HS3ST4: variants seen among roughly 807,000 people sequenced by gnomAD.
HS3ST4 encodes heparan sulfate glucosamine 3-O-sulfotransferase 4.
Under a neutral mutation model 29.2 loss-of-function variants are expected in HS3ST4, and 17 were observed. The observed-to-expected ratio is 0.58, with a 90% CI of 0.40 to 0.87. The LOEUF is 0.87. HS3ST4 is among the 40% of genes least tolerant of loss of function. HS3ST4 has a pLI of 0.00. For missense variants in HS3ST4, 627 were observed against 634.5 expected, an observed-to-expected ratio of 0.99 and a Z score of 0.13; for synonymous variants, 314 against 285.7, an observed-to-expected ratio of 1.10 and a Z score of -1.00.
rs1567310159 is a variant in HS3ST4, at chr16:26,091,391, A to G, written c.735-44221A>G. Reference sequence around the variant, plus strand: ...GATACTCAATGAATGCCTATTGAGTATAAATCGTGCCCAATCAGATCCACA... The same window carrying G: ...GATACTCAATGAATGCCTATTGAGTGTAAATCGTGCCCAATCAGATCCACA... On this transcript the variant is annotated intron_variant, in intron 1 of 1. Coordinates refer to ENST00000331351, the MANE Select transcript of HS3ST4 (RefSeq NM_006040.3). Among the ~76,000 whole-genome samples, 3 of 152,342 alleles carry G rather than the reference A, an allele frequency of 2.0e-5. No individual in the cohort carries two copies. The South Asian group carries it at 6.2e-4, about 32-fold the overall frequency.
intron 1 of HS3ST4, among the ~76,000 whole-genome samples, chr16:26,126,185 C>T (rs1899341353): frequency 6.6e-6 from 1 of 152,178 alleles, no homozygotes; most frequent in Non-Finnish European, 1.5e-5. Context: ...TTGATGTCTG[C>T]ACACCCTCTG....
At chr16:26,022,796 C>T (rs1969427282) in intron 1 of HS3ST4, among the ~76,000 whole-genome samples, 1 of 152,074 alleles carries the variant, frequency 6.6e-6, no homozygotes, top group Admixed American at 6.6e-5. Flanking sequence ...TATACCACAC[C>T]TGGCCTACAG....
At chr16:26,093,627 A>G (rs1898885418) in intron 1 of HS3ST4, among the ~76,000 whole-genome samples, 1 of 152,216 alleles carries the variant, frequency 6.6e-6, no homozygotes, top group South Asian at 2.1e-4. Flanking sequence ...GTCAAAGACC[A>G]AAGGTAGATA....
chr16:25,921,003 G>A (rs527986975), intron 1 of HS3ST4, among the ~76,000 whole-genome samples: 6 of 152,144 alleles, frequency 3.9e-5, no homozygotes, highest in South Asian at 2.1e-4. Flanking sequence ...CACTCCTCTC[G>A]ACACTCTATC....
intron 1 of HS3ST4, chr16:26,032,835 G>T (rs1969544161): frequency 1.3e-6 from 2 of 1,570,258 alleles, no homozygotes; most frequent in African/African-American, 1.3e-5. Context: ...ACGGCAGCAG[G>T]ACGTAGGTGC....
chr16:25,974,083 C>T (rs761338121), intron 1 of HS3ST4, among the ~76,000 whole-genome samples: 3 of 152,240 alleles, frequency 2.0e-5, no homozygotes, highest in Non-Finnish European at 2.9e-5. Context: ...AAGGCTCTTA[C>T]ATACGCTTCT....
intron 1 of HS3ST4, among the ~76,000 whole-genome samples, chr16:25,829,912 C>T (rs1967276089): frequency 6.6e-6 from 1 of 152,082 alleles, no homozygotes; most frequent in Non-Finnish European, 1.5e-5. Context: ...GAACCTCTGC[C>T]TCTGGGGTCC....
chr16:26,058,378 G>C (rs1288639264), intron 1 of HS3ST4, among the ~76,000 whole-genome samples: 1 of 152,110 alleles, frequency 6.6e-6, no homozygotes, highest in Non-Finnish European at 1.5e-5. Flanking sequence ...CTTCCTGCAG[G>C]CTTTTTGGTT....
intron 1 of HS3ST4, among the ~76,000 whole-genome samples, chr16:25,938,593 TAA>T (rs929441358): frequency 6.9e-6 from 1 of 144,194 alleles, no homozygotes; most frequent in Admixed American, 7.0e-5. Flanking sequence ...TCTATGGTAT[TAA>T]AAAAAAAAAG....
chr16:25,921,634 C>T (rs1258908877), intron 1 of HS3ST4, among the ~76,000 whole-genome samples: 1 of 152,138 alleles, frequency 6.6e-6, no homozygotes, highest in Non-Finnish European at 1.5e-5. Flanking sequence ...GTCATCTCAT[C>T]AGCAGGAAAA....
At chr16:25,986,860 A>G (rs1969069174) in intron 1 of HS3ST4, among the ~76,000 whole-genome samples, 1 of 152,262 alleles carries the variant, frequency 6.6e-6, no homozygotes, top group South Asian at 2.1e-4. Context: ...TGTAATTTTC[A>G]GATGGCAGTT....
rs968755906 is a variant in HS3ST4 at position 26,018,602 on chromosome 16, C to T, written c.735-117010C>T. 1.6e-4 allele frequency among the ~76,000 whole-genome samples: 25 copies of T among 152,030 alleles called. 1 individual carries two copies. On this transcript the variant is annotated intron_variant, in intron 1 of 1. Coordinates refer to ENST00000331351, the MANE Select transcript of HS3ST4 (RefSeq NM_006040.3). ...TCCCAGAGAGGCTATGAGATTTTTCCAGGTCAACAGAGTCAAATATTGACA... is the reference window on the plus strand; with the variant it reads ...TCCCAGAGAGGCTATGAGATTTTTCTAGGTCAACAGAGTCAAATATTGACA...
intron 1 of HS3ST4, among the ~76,000 whole-genome samples, chr16:25,937,469 G>A (rs990927511): frequency 4.6e-5 from 7 of 152,148 alleles, no homozygotes; most frequent in Non-Finnish European, 1.0e-4. Flanking sequence ...TGTAGTGGTT[G>A]GTTGTAGCAA....
At chr16:25,826,690 T>C (rs1330263364) in intron 1 of HS3ST4, among the ~76,000 whole-genome samples, 1 of 152,134 alleles carries the variant, frequency 6.6e-6, no homozygotes, top group Non-Finnish European at 1.5e-5. Flanking sequence ...ACAAAATGTC[T>C]TGGTGAGGTC....
intron 1 of HS3ST4, among the ~76,000 whole-genome samples, chr16:25,993,240 C>G (rs998999727): frequency 6.6e-6 from 1 of 152,098 alleles, no homozygotes; most frequent in Non-Finnish European, 1.5e-5. Flanking sequence ...GTGCTCCACC[C>G]CAGAGCTGGG....
intron 1 of HS3ST4, among the ~76,000 whole-genome samples, chr16:26,025,059 T>TC (rs777219689): frequency 1.3e-5 from 2 of 152,078 alleles, no homozygotes; most frequent in Non-Finnish European, 2.9e-5. Flanking sequence ...TTTCATCCTA[T>TC]CCCCTTAAGA....
At chr16:25,717,134 A>T (rs1375203294) in intron 1 of HS3ST4, among the ~76,000 whole-genome samples, 2 of 152,100 alleles carry the variant, frequency 1.3e-5, no homozygotes, top group Non-Finnish European at 2.9e-5. Context: ...AAGAAGAGGA[A>T]CCTTGGCTGA....
chr16:25,944,822 GC>G (rs1052866732), intron 1 of HS3ST4, among the ~76,000 whole-genome samples: 4 of 152,132 alleles, frequency 2.6e-5, no homozygotes, highest in South Asian at 2.1e-4. Context: ...ATCAATAAAA[GC>G]CCCCAGAAGC....
chr16:25,999,992 GT>G (rs1969199337), intron 1 of HS3ST4, among the ~76,000 whole-genome samples: 1 of 149,320 alleles, frequency 6.7e-6, no homozygotes, highest in Non-Finnish European at 1.5e-5. Context: ...TCCAAGAAAT[GT>G]TTATCTATTC....
Sources: gnomAD v4.1 joint callset for allele counts (sites outside exome capture counted in the v4.1 genomes callset) on GRCh38, gnomAD v4.1.1 for gene constraint, MANE v1.5 for transcripts, NCBI Gene and HGNC (gene_info 2026-07-23, HGNC 2026-07-21) for gene names.